The following KIF1B variants were observed in gnomAD, a reference collection of about 807,000 sequenced individuals.
KIF1B encodes the protein kinesin family member 1B, also known as kinesin-like protein KIF1B.
Under a neutral mutation model 241.9 loss-of-function variants are expected in KIF1B, and 76 were observed. That is an observed-to-expected ratio of 0.31 (90% CI 0.26 to 0.38). KIF1B has a LOEUF of 0.38. Among genes scored for constraint, KIF1B ranks in the 10% least tolerant of loss-of-function variants. The pLI is 1.00. For missense variants in KIF1B, 1,622 were observed against 2,271.4 expected (o/e 0.71, Z 5.81); for synonymous variants, 750 against 796.7 (o/e 0.94, Z 0.99).
chr1:10,371,307 G>T, intron 45 of KIF1B, 45 bp downstream of exon 45: 1 of 1,610,368 alleles, frequency 6.2e-7, no homozygotes, highest in African/African-American at 1.3e-5. Flanking sequence ...TAAGAACCAA[G>T]GTAAATGTCA....
At chr1:10,333,205 C>G (rs1160441481) in intron 27 of KIF1B, among the ~76,000 whole-genome samples, 1 of 150,174 alleles carries the variant, frequency 6.7e-6, no homozygotes, top group Admixed American at 6.6e-5. Context: ...GCGGGCAGAT[C>G]ACCTGAGGTC....
At chr1:10,247,859 G>A (rs909413609) in intron 2 of KIF1B, among the ~76,000 whole-genome samples, 2 of 152,046 alleles carry the variant, frequency 1.3e-5, no homozygotes, top group African/African-American at 2.4e-5. Context: ...GTATGGTTTC[G>A]GGATGAAACC....
intron 1 of KIF1B, among the ~76,000 whole-genome samples, chr1:10,216,363 C>T (rs541279915): frequency 6.6e-6 from 1 of 152,190 alleles, no homozygotes; most frequent in African/African-American, 2.4e-5. Context: ...TGTGTGTTCT[C>T]CCACTCTAAG....
intron 22 of KIF1B, among the ~76,000 whole-genome samples, chr1:10,302,921 G>A (rs888437982): frequency 5.3e-5 from 8 of 152,132 alleles, no homozygotes; most frequent in African/African-American, 1.9e-4. Flanking sequence ...TGGAAATTTG[G>A]ATTAGGGATG....
At position 10,379,402 on chromosome 1, in the gene KIF1B, G is replaced by C. The variant is rs575750275; in HGVS notation, c.*2815G>C. 7.3e-5 allele frequency: 17 copies of C among 231,526 alleles called. No homozygotes were observed. The highest frequency in any genetic ancestry group is 1.8e-4 in the South Asian group (1 of 5,516). 14.3% of individuals were successfully genotyped at this position (231,526 alleles called of 1,614,324 possible). ...GTGTCCTGCGTGCTCTTCACCCTCTGGGGCGCCCCTGCTGCGGCTGGCAGG... is the reference window on the plus strand; with the variant it reads ...GTGTCCTGCGTGCTCTTCACCCTCTCGGGCGCCCCTGCTGCGGCTGGCAGG... On this transcript the variant is annotated 3_prime_UTR_variant, in exon 49 of 49. Coordinates refer to ENST00000676179, the MANE Select transcript of KIF1B (RefSeq NM_001365951.3).
chr1:10,234,743 T>A (rs1436542315), intron 2 of KIF1B, among the ~76,000 whole-genome samples: 1 of 151,772 alleles, frequency 6.6e-6, no homozygotes, highest in Non-Finnish European at 1.5e-5. Context: ...AGGCTGGTCT[T>A]GTATTCCTGG....
chr1:10,275,012 A>C, intron 10 of KIF1B: 1 of 328,140 alleles, frequency 3.0e-6, no homozygotes, highest in Non-Finnish European at 5.9e-6. Flanking sequence ...TCTGTGTAAG[A>C]GAATGTTCTT....
At chr1:10,294,397 G>A (rs1557694322) in intron 17 of KIF1B, among the ~76,000 whole-genome samples, 2 of 151,644 alleles carry the variant, frequency 1.3e-5, no homozygotes, top group African/African-American at 4.9e-5. Context: ...AAATTATAGT[G>A]GGAAGTGGTG....
chr1:10,373,239 G>A lies in KIF1B; in HGVS notation c.4947-1077G>A, dbSNP rs1416456746. ...CTCCCAAAGTGCTGGGATTACAGGCGTGAGCCACTGCGCCGGCCTTTTTTT... is the reference window on the plus strand; with the variant it reads ...CTCCCAAAGTGCTGGGATTACAGGCATGAGCCACTGCGCCGGCCTTTTTTT... On this transcript the variant is annotated intron_variant, in intron 45 of 48. Coordinates refer to ENST00000676179, the MANE Select transcript of KIF1B (RefSeq NM_001365951.3). Among the ~76,000 whole-genome samples the A allele has an allele frequency of 8.6e-5, 13 of 150,388 alleles. 2 individuals are homozygous for A. Among genetic ancestry groups the A allele is most frequent in the African/African-American group, 2.2e-4 (9 of 40,774 alleles).
At chr1:10,358,627 G>A (rs144293478) in intron 38 of KIF1B, among the ~76,000 whole-genome samples, 3 of 148,254 alleles carry the variant, frequency 2.0e-5, no homozygotes, top group African/African-American at 5.0e-5. Context: ...AGGTTGCAGT[G>A]AGCCAAGATC....
intron 1 of KIF1B, among the ~76,000 whole-genome samples, chr1:10,222,015 G>T (rs1646851556): frequency 6.6e-6 from 1 of 152,068 alleles, no homozygotes; most frequent in South Asian, 2.1e-4. Flanking sequence ...CTGCATTTCT[G>T]TTTAATTCTA....
intron 38 of KIF1B, among the ~76,000 whole-genome samples, chr1:10,356,090 G>A (rs75103034): frequency 0.017 from 2,622 of 152,230 alleles, 86 homozygotes; most frequent in African/African-American, 0.06. Flanking sequence ...TAAACGGGCT[G>A]GGCTCAGTGG....
At chr1:10,250,902 C>T (rs894172510) in intron 2 of KIF1B, among the ~76,000 whole-genome samples, 4 of 152,074 alleles carry the variant, frequency 2.6e-5, no homozygotes, top group South Asian at 2.1e-4. Flanking sequence ...GTGGCTCACA[C>T]GTGTAATCCT....
chr1:10,360,857 A>G, intron 38 of KIF1B, 72 bp from the exon 39 acceptor site: 1 of 967,488 alleles, frequency 1.0e-6, no homozygotes, highest in South Asian at 1.3e-5. Context: ...AGGATGATTG[A>G]CAGTGGCAGT....
Position 10,297,007 on chromosome 1 carries a change from G to A in KIF1B, c.1972G>A (p.Asp658Asn). 1 of 1,614,108 alleles carries A rather than the reference G, an allele frequency of 6.2e-7. No individual in the cohort carries two copies. The change falls in exon 21 of 49, where the codon GAC becomes AAC. Residue 658 changes from aspartate to asparagine, a missense_variant. Physicochemically the swap from Asp to Asn is conservative, Grantham distance 23. Transcript: ENST00000676179. The part of the protein sequence containing the change: ...PSAETPSEPV[D>N]WTFAQRELLE... ...TGCTGAGACCCCCTCTGAGCCTGTG[G>A]ACTGGACATTTGCCCAGAGGGAGCT...
intron 22 of KIF1B, among the ~76,000 whole-genome samples, chr1:10,312,453 C>G (rs1171861276): frequency 6.6e-6 from 1 of 151,432 alleles, no homozygotes; most frequent in Non-Finnish European, 1.5e-5. Flanking sequence ...TAAAACATAT[C>G]CCAGCTCTAA....
intron 15 of KIF1B, among the ~76,000 whole-genome samples, chr1:10,284,050 C>A (rs183411401): frequency 4.6e-5 from 7 of 152,292 alleles, no homozygotes; most frequent in Non-Finnish European, 7.4e-5. Flanking sequence ...AATCAGCCTA[C>A]CTTTTCCCTT....
intron 1 of KIF1B, among the ~76,000 whole-genome samples, chr1:10,218,883 A>T (rs960759857): frequency 2.0e-5 from 3 of 152,176 alleles, no homozygotes; most frequent in African/African-American, 7.2e-5. Context: ...CTACTTCTAG[A>T]AAGGATTTGA....
At chr1:10,283,180 C>T (rs1649506503) in intron 15 of KIF1B, among the ~76,000 whole-genome samples, 2 of 134,586 alleles carry the variant, frequency 1.5e-5, no homozygotes, top group Admixed American at 8.8e-5. Context: ...GCATTCCAGC[C>T]TGGGGGACAC....
Sources: gnomAD v4.1 joint callset for allele counts (sites outside exome capture counted in the v4.1 genomes callset) on GRCh38, gnomAD v4.1.1 for gene constraint, MANE v1.5 for transcripts, NCBI Gene and HGNC (gene_info 2026-07-23, HGNC 2026-07-21) for gene names.